Variants in ACSL4 observed in about 807,000 individuals in gnomAD.
The protein encoded by ACSL4 is acyl-CoA synthetase long chain family member 4.
A neutral mutation model predicts 49.1 loss-of-function variants in ACSL4; 9 were observed. That is an observed-to-expected ratio of 0.18 (90% CI 0.11 to 0.32). The LOEUF is 0.32. ACSL4 is among the 10% of genes least tolerant of loss of function. ACSL4 has a pLI of 1.00. For missense variants in ACSL4, 333 were observed against 493.7 expected, an observed-to-expected ratio of 0.67 and a Z score of 3.08; for synonymous variants, 191 against 170.3, an observed-to-expected ratio of 1.12 and a Z score of -0.95.
In ACSL4 at chrX:109,678,429, T is replaced by C; in HGVS notation, c.656-14A>G. 3.3e-6 allele frequency: 4 copies of C among 1,209,287 alleles called. No individual in the cohort carries two copies. The highest frequency in any genetic ancestry group is 4.5e-6 in the Non-Finnish European group (4 of 893,053). ...GAGGAATGCCCACTAAATGAATGAA[T>C]GAAAAATATCACATTTACTTCAGTT... On this transcript the variant is annotated splice_polypyrimidine_tract_variant and intron_variant, in intron 6 of 15. Coordinates refer to ENST00000672401, the MANE Select transcript of ACSL4 (RefSeq NM_001318510.2).
At chrX:109,710,441 A>C (rs1174615624) in intron 1 of ACSL4, among the ~76,000 whole-genome samples, 1 of 112,290 alleles carries the variant, frequency 8.9e-6, no homozygotes, top group East Asian at 2.8e-4. Context: ...AGTGTTTTTC[A>C]ATGATATCAA....
At chrX:109,711,929 T>C (rs999644434) in intron 1 of ACSL4, among the ~76,000 whole-genome samples, 1 of 111,697 alleles carries the variant, frequency 9.0e-6, no homozygotes, top group Non-Finnish European at 1.9e-5. Context: ...GGATAAATAT[T>C]TTTGGAATTA....
At chrX:109,647,943 G>T (rs1245627128) in intron 15 of ACSL4, among the ~76,000 whole-genome samples, 1 of 111,151 alleles carries the variant, frequency 9.0e-6, no homozygotes, top group Admixed American at 9.5e-5. Flanking sequence ...ATAAATTCCT[G>T]GACACATACA....
intron 9 of ACSL4, 77 bp downstream of exon 9, chrX:109,674,325 C>T (rs1224009030): frequency 9.3e-6 from 8 of 859,747 alleles, no homozygotes; most frequent in South Asian, 2.1e-5. Context: ...AAGAGTATTA[C>T]TTTTTAAAAG....
intron 1 of ACSL4, among the ~76,000 whole-genome samples, chrX:109,714,109 C>T (rs1199526906): frequency 4.5e-5 from 5 of 111,970 alleles, no homozygotes; most frequent in South Asian, 3.7e-4. Context: ...TGAAAGACAG[C>T]GATACTGATG....
At chrX:109,694,575 T>C (rs1318468960) in intron 2 of ACSL4, among the ~76,000 whole-genome samples, 2 of 112,226 alleles carry the variant, frequency 1.8e-5, no homozygotes, top group Non-Finnish European at 3.8e-5. Flanking sequence ...TGAATTTTTT[T>C]AAAGCCCTAC....
intron 10 of ACSL4, 93 bp downstream of exon 10, chrX:109,668,941 G>T: frequency 2.6e-6 from 2 of 771,576 alleles, no homozygotes; most frequent in South Asian, 2.4e-5. Context: ...ATATTCAAAT[G>T]AATTAACTTG....
intron 15 of ACSL4, among the ~76,000 whole-genome samples, chrX:109,647,619 G>A (rs1934783146): frequency 9.0e-6 from 1 of 111,120 alleles, no homozygotes; most frequent in Admixed American, 9.6e-5. Flanking sequence ...AAGAACTAGA[G>A]AAGCAAGAAC....
intron 13 of ACSL4, 54 bp downstream of exon 13, chrX:109,663,157 T>G: frequency 9.7e-7 from 1 of 1,032,639 alleles, no homozygotes; most frequent in Non-Finnish European, 1.3e-6. Flanking sequence ...TTACCTTTCA[T>G]ATATACTGAA....
chrX:109,660,792 T>A (rs1038322652), intron 14 of ACSL4, among the ~76,000 whole-genome samples: 1 of 111,676 alleles, frequency 9.0e-6, no homozygotes, highest in Non-Finnish European at 1.9e-5. Context: ...ACATGGATAA[T>A]CCTTGAGGAC....
chrX:109,714,582 T>C (rs906218175), intron 1 of ACSL4, among the ~76,000 whole-genome samples: 2 of 111,999 alleles, frequency 1.8e-5, no homozygotes, highest in African/African-American at 3.2e-5. Flanking sequence ...GCACCCTATA[T>C]AGCTGAACCA....
intron 15 of ACSL4, among the ~76,000 whole-genome samples, chrX:109,656,534 G>T (rs1281033476): frequency 1.8e-5 from 2 of 110,009 alleles, no homozygotes; most frequent in African/African-American, 3.3e-5. Context: ...CCATAACATC[G>T]CAAATGAAAA....
intron 1 of ACSL4, among the ~76,000 whole-genome samples, chrX:109,705,269 T>A (rs1378746379): frequency 8.9e-6 from 1 of 112,192 alleles, no homozygotes; most frequent in Admixed American, 9.5e-5. Flanking sequence ...AATGAATCCA[T>A]CCATCTCTCT....
At chrX:109,704,435 T>C (rs912904401) in intron 1 of ACSL4, among the ~76,000 whole-genome samples, 4 of 111,619 alleles carry the variant, frequency 3.6e-5, no homozygotes, top group African/African-American at 1.3e-4. Flanking sequence ...TTCATTTTGT[T>C]ACATAAATTC....
chrX:109,676,608 T>C (rs192578145), intron 8 of ACSL4, among the ~76,000 whole-genome samples: 1,358 of 111,136 alleles, frequency 0.012, 15 homozygotes, highest in Admixed American at 0.058. Flanking sequence ...TTTTTTTTTT[T>C]CCCCTAAGCC....
At chrX:109,659,964 T>C (rs1194606444) in intron 14 of ACSL4, among the ~76,000 whole-genome samples, 1 of 109,425 alleles carries the variant, frequency 9.1e-6, no homozygotes, top group Non-Finnish European at 1.9e-5. Flanking sequence ...TTTGCACCAA[T>C]CTGATAAAAC....
chrX:109,705,821 C>T (rs1415061711), intron 1 of ACSL4, among the ~76,000 whole-genome samples: 1 of 112,294 alleles, frequency 8.9e-6, no homozygotes, highest in Non-Finnish European at 1.9e-5. Context: ...CCTCAGCCTC[C>T]CGTGTAGCTA....
At chrX:109,670,586 A>G (rs868086553) in intron 9 of ACSL4, among the ~76,000 whole-genome samples, 2 of 102,078 alleles carry the variant, frequency 2.0e-5, no homozygotes, top group Middle Eastern at 0.01. Flanking sequence ...CTCCGTCTCA[A>G]AAAAAAAAAA....
intron 15 of ACSL4, among the ~76,000 whole-genome samples, chrX:109,650,993 T>C (rs927139867): frequency 2.7e-5 from 3 of 112,281 alleles, no homozygotes; most frequent in African/African-American, 9.7e-5. Flanking sequence ...TTCATATCTT[T>C]AAATGGTATA....
Sources: allele counts gnomAD v4.1 joint callset (sites outside exome capture counted in the v4.1 genomes callset), GRCh38; gene constraint gnomAD v4.1.1; transcripts MANE v1.5; gene names NCBI Gene and HGNC (gene_info 2026-07-23, HGNC 2026-07-21).